RUBCN: variants seen among roughly 807,000 people sequenced by gnomAD.
RUBCN encodes the protein run domain Beclin-1-interacting and cysteine-rich domain-containing protein.
RUBCN carries 74 observed loss-of-function variants against 113.2 expected under a neutral mutation model. That is an observed-to-expected ratio of 0.65 (90% CI 0.54 to 0.79). The LOEUF is 0.79. Among genes scored for constraint, RUBCN ranks in the 30% least tolerant of loss-of-function variants. The probability of loss-of-function intolerance (pLI) is 0.00; values close to 1 mark genes in which losing one functional copy is unlikely to be tolerated. For synonymous variants in RUBCN, 480 were observed against 490.0 expected, an observed-to-expected ratio of 0.98 and a Z score of 0.27; for missense variants, 1,109 against 1,251.7, an observed-to-expected ratio of 0.89 and a Z score of 1.72.
intron 9 of RUBCN, among the ~76,000 whole-genome samples, chr3:197,695,300 A>G (rs1722884830): frequency 6.6e-6 from 1 of 151,368 alleles, no homozygotes; most frequent in African/African-American, 2.4e-5. Flanking sequence ...GAATCCCAGC[A>G]CTCTGGGAGG....
chr3:197,680,348 C>T (rs1388599788), intron 16 of RUBCN, among the ~76,000 whole-genome samples: 1 of 142,404 alleles, frequency 7.0e-6, no homozygotes, highest in Non-Finnish European at 1.5e-5. Flanking sequence ...CCAGACTGTC[C>T]TACGCTCTAA....
At position 197,683,193 on chromosome 3, in the gene RUBCN, C is replaced by G; in HGVS notation, c.1980+114G>C. The G allele has an allele frequency of 7.7e-7, 1 of 1,297,928 alleles. No individual in the cohort carries two copies. The highest frequency in any genetic ancestry group is 1.2e-5 in the South Asian group (1 of 84,084). The allele number at this position is 1,297,928 out of a possible 1,614,324, so 80.4% of individuals were successfully genotyped here. A position where few individuals can be genotyped will look rare whatever the true frequency, so the allele number is the denominator to read the frequency against. ...GACACATTGTAATGAATGGCTTCCA[C>G]GAGTAAGGGGGGAACACCCAGGCTC... On this transcript the variant is annotated intron_variant, in intron 13 of 19. Coordinates refer to ENST00000296343, the MANE Select transcript of RUBCN (RefSeq NM_014687.4). The surrounding 1 kb of genome is among the most constrained non-coding windows in gnomAD (Gnocchi z 4.6).
intron 1 of RUBCN, among the ~76,000 whole-genome samples, chr3:197,720,961 C>T (rs1220693349): frequency 6.6e-6 from 1 of 152,114 alleles, no homozygotes; most frequent in Non-Finnish European, 1.5e-5. Flanking sequence ...CCCATCCTCA[C>T]CGACACCGGC....
intron 1 of RUBCN, among the ~76,000 whole-genome samples, chr3:197,733,112 T>C (rs1009793350): frequency 1.3e-5 from 2 of 152,204 alleles, no homozygotes; most frequent in African/African-American, 4.8e-5. Context: ...CTTTAAAGCT[T>C]ATTCACGTTT....
chr3:197,741,623 GAGTTCAAGA>G (rs1310554997), upstream of RUBCN, among the ~76,000 whole-genome samples: 3 of 152,024 alleles, frequency 2.0e-5, no homozygotes, highest in Admixed American at 6.5e-5. Context: ...TTGAGGTCAG[GAGTTCAAGA>G]ACAGCCTGGC....
chr3:197,741,680 A>G (rs1183660873), upstream of RUBCN, among the ~76,000 whole-genome samples: 1 of 152,022 alleles, frequency 6.6e-6, no homozygotes, highest in African/African-American at 2.4e-5. Context: ...AAAATTCGCC[A>G]GGCATGGTGG....
chr3:197,694,179 C>T, intron 10 of RUBCN, 196 bp downstream of exon 10: 3 of 705,182 alleles, frequency 4.3e-6, no homozygotes, highest in Middle Eastern at 2.3e-4. Flanking sequence ...GCGTGAGCCA[C>T]TCTGCCTGGC....
chr3:197,736,692 G>C lies in RUBCN; in HGVS notation c.28C>G (p.Leu10Val). MRPEGAGME[L>V]GGGEERLPEE... ...GGCAGGCGCTCCTCGCCGCCTCCGA[G>C]CTCCATTCCCGCGCCCTCCGGCCGC... The change falls in exon 1 of 20, where the codon CTC (leucine) becomes GTC (valine). Residue 10 changes from leucine to valine, a missense_variant. Coordinates refer to ENST00000296343, the MANE Select transcript of RUBCN (RefSeq NM_014687.4). The C allele has an allele frequency of 4.6e-6, 7 of 1,532,004 alleles. No individual in the cohort carries two copies. The highest frequency in any genetic ancestry group is 6.1e-6 in the Non-Finnish European group (7 of 1,145,952). 94.9% of individuals were successfully genotyped at this position (1,532,004 alleles called of 1,614,324 possible).
chr3:197,722,277 G>A lies in RUBCN; in HGVS notation c.66-4147C>T, dbSNP rs1051959281. 4.8e-4 allele frequency among the ~76,000 whole-genome samples: 73 copies of A among 151,750 alleles called. 1 individual carries two copies. The highest frequency in any genetic ancestry group is 2.0e-4 in the Admixed American group (3 of 15,220). On this transcript the variant is annotated intron_variant, in intron 1 of 19. Transcript: ENST00000296343. Reference sequence around the variant, plus strand: ...AGAAAAAAGAAAAAATACTTGGTATGATTTCAGTTTTTAAAAGTTTGTTGA... The same window carrying A: ...AGAAAAAAGAAAAAATACTTGGTATAATTTCAGTTTTTAAAAGTTTGTTGA...
chr3:197,676,628 A>C (rs1720464580), intron 18 of RUBCN: 2 of 1,359,292 alleles, frequency 1.5e-6, no homozygotes, highest in African/African-American at 2.9e-5. Context: ...TTCTTGAGTG[A>C]AAGTCTACTC....
At chr3:197,717,833 T>C in intron 2 of RUBCN, 144 bp downstream of exon 2, 1 of 829,164 alleles carries the variant, frequency 1.2e-6, no homozygotes, top group South Asian at 1.5e-5. Flanking sequence ...ATGTGAAACG[T>C]TCTGTATATT....
At position 197,681,968 on chromosome 3, in the gene RUBCN, G is replaced by T; in HGVS notation, c.2127-69C>A. ...TGAGACCTTGGAGGTGTGAAGGAGTGAGCACACATACATACAGCTCCAGTT... is the reference window on the plus strand; with the variant it reads ...TGAGACCTTGGAGGTGTGAAGGAGTTAGCACACATACATACAGCTCCAGTT... On this transcript the variant is annotated intron_variant, in intron 14 of 19. Transcript: ENST00000296343. The surrounding 1 kb of genome is among the most constrained non-coding windows in gnomAD (Gnocchi z 5.5). 1 of 1,164,734 alleles carries T rather than the reference G, an allele frequency of 8.6e-7. No individual in the cohort carries two copies. Among genetic ancestry groups the T allele is most frequent in the South Asian group, 1.2e-5 (1 of 81,672 alleles). 72.1% of individuals were successfully genotyped at this position (1,164,734 alleles called of 1,614,324 possible). A position where few individuals can be genotyped will look rare whatever the true frequency, so the allele number is the denominator to read the frequency against.
Position 197,704,620 on chromosome 3 carries a change from T to A in RUBCN, c.385A>T (p.Ser129Cys), listed in dbSNP as rs752354445. 2 of 1,614,126 alleles carry A rather than the reference T, an allele frequency of 1.2e-6. No homozygotes were observed. Among genetic ancestry groups the A allele is most frequent in the Non-Finnish European group, 8.5e-7 (1 of 1,179,926 alleles). The change falls in exon 4 of 20, where the codon AGC (serine) becomes TGC (cysteine). Residue 129 changes from serine to cysteine, a missense_variant. Physicochemically the swap from Ser to Cys is moderately radical, Grantham distance 112. This residue lies in a region of RUBCN where 736 missense variants were observed against 779.6 expected (regional missense o/e 0.94). Coordinates refer to ENST00000296343, the MANE Select transcript of RUBCN (RefSeq NM_014687.4). ...RAVAELWLQH[S>C]LQYHCLSAQL... is the part of the protein sequence containing the mutation. ...GCTGAGAGGCAGTGGTACTGCAGGC[T>A]GTGCTGCAGCCACAGCTCGGCAACA...
Position 197,676,143 on chromosome 3 carries a change from C to T in RUBCN, c.2647-628G>A, listed in dbSNP as rs141131226. The T allele has an allele frequency of 6.1e-6, 6 of 977,708 alleles. No homozygotes were observed. In the East Asian group the frequency reaches 5.6e-4, roughly 92 times the overall value. 60.6% of individuals were successfully genotyped at this position (977,708 alleles called of 1,614,324 possible). A position where few individuals can be genotyped will look rare whatever the true frequency, so the allele number is the denominator to read the frequency against. The stretch of plus-strand genomic sequence containing the variant: ...CAAAACGCTGTCATACAAATTACCC[C>T]ATCAACCCTCAAAAATACTGAGAAG... On this transcript the variant is annotated intron_variant, in intron 18 of 19. Coordinates refer to ENST00000296343, the MANE Select transcript of RUBCN (RefSeq NM_014687.4).
intron 1 of RUBCN, among the ~76,000 whole-genome samples, chr3:197,723,999 G>A (rs1213281162): frequency 2.6e-5 from 4 of 152,158 alleles, no homozygotes; most frequent in Admixed American, 6.5e-5. Flanking sequence ...TCGAGAGGCT[G>A]AGGCAGGAGA....
Position 197,699,351 on chromosome 3 carries a change from AC to A in RUBCN, c.1261+1261del, listed in dbSNP as rs1221245398. 5 of 680,900 alleles carry A rather than the reference AC, an allele frequency of 7.3e-6. No homozygotes were observed. The East Asian group carries it at 1.4e-4, about 19-fold the overall frequency. The allele number at this position is 680,900 out of a possible 1,614,324, so 42.2% of individuals were successfully genotyped here. On this transcript the variant is annotated intron_variant, in intron 7 of 19. Coordinates refer to ENST00000296343, the MANE Select transcript of RUBCN (RefSeq NM_014687.4). ...GTGGGGATGGAACTCCCAAGAGGAA[AC>A]CCCAGTTGTGAAGGACGGATGGCTT...
intron 1 of RUBCN, among the ~76,000 whole-genome samples, chr3:197,724,510 G>A (rs1211685047): frequency 6.6e-6 from 1 of 152,172 alleles, no homozygotes; most frequent in Non-Finnish European, 1.5e-5. Context: ...ACTCTTTTTA[G>A]TGGTAAAGGA....
intron 2 of RUBCN, among the ~76,000 whole-genome samples, chr3:197,714,033 G>A (rs959359393): frequency 5.3e-5 from 8 of 152,036 alleles, no homozygotes; most frequent in South Asian, 2.1e-4. Flanking sequence ...CTGAGATCAC[G>A]CCACTGCACT....
rs1720312158 is a variant in RUBCN at position 197,675,714 on chromosome 3, G to C, written c.2647-199C>G. 6.6e-6 allele frequency among the ~76,000 whole-genome samples: 1 copy of C among 150,574 alleles called. No individual in the cohort carries two copies. The highest frequency in any genetic ancestry group is 2.4e-5 in the African/African-American group (1 of 40,884). On this transcript the variant is annotated intron_variant, in intron 18 of 19. Coordinates refer to ENST00000296343, the MANE Select transcript of RUBCN (RefSeq NM_014687.4). The surrounding 1 kb of genome is among the most constrained non-coding windows in gnomAD (Gnocchi z 4.4). ...AGACAAAGCTTTAGGCAGAAGATCA[G>C]ACAGGCACCAGCCGGAGAAGCTCCG...
Sources: gnomAD v4.1 joint callset for allele counts (sites outside exome capture counted in the v4.1 genomes callset) on GRCh38, gnomAD v4.1.1 for gene constraint, gnomAD v4.1.1 regional missense constraint, Gnocchi (gnomAD v3.1) non-coding constraint, MANE v1.5 for transcripts, NCBI Gene and HGNC (gene_info 2026-07-23, HGNC 2026-07-21) for gene names.